Variants in FBXL18 observed in about 807,000 individuals in gnomAD.
FBXL18 encodes F-box and leucine rich repeat protein 18.
FBXL18 carries 36 observed loss-of-function variants against 46.0 expected under a neutral mutation model. That is an observed-to-expected ratio of 0.78 (90% CI 0.60 to 1.03). The LOEUF (loss-of-function observed/expected upper bound fraction) is 1.03. Ranked by LOEUF, FBXL18 falls within the 50% of genes least tolerant of loss-of-function variation. FBXL18 has a pLI of 0.00. For missense variants in FBXL18, 977 were observed against 1,004.1 expected (o/e 0.97, Z 0.36); for synonymous variants, 557 against 465.3 (o/e 1.20, Z -2.54).
rs1490705335 is a variant in FBXL18 at position 5,477,583 on chromosome 7, TC to T, written c.*4191del. Among the ~76,000 whole-genome samples the T allele has an allele frequency of 1.3e-5, 2 of 151,926 alleles. No individual in the cohort carries two copies. Among genetic ancestry groups the T allele is most frequent in the Non-Finnish European group, 2.9e-5 (2 of 68,004 alleles). ...CGGTCATGATGGCAGGTGCCTGTAATCCCAGCTACTCAGGAGGCTGATGTGG... is the reference window on the plus strand; with the variant it reads ...CGGTCATGATGGCAGGTGCCTGTAATCCAGCTACTCAGGAGGCTGATGTGG... On this transcript the variant is annotated 3_prime_UTR_variant, in exon 5 of 5. Coordinates refer to ENST00000382368, the MANE Select transcript of FBXL18 (RefSeq NM_024963.6). The surrounding 1 kb of genome is among the most constrained non-coding windows in gnomAD (Gnocchi z 4.4).
intron 4 of FBXL18, among the ~76,000 whole-genome samples, chr7:5,468,890 C>A (rs1290615212): frequency 6.6e-6 from 1 of 152,176 alleles, no homozygotes; most frequent in Non-Finnish European, 1.5e-5. Context: ...CATGAGCCAA[C>A]ATGCCAGGGC....
chr7:5,502,462 G>C (rs948410217), intron 2 of FBXL18, among the ~76,000 whole-genome samples: 6 of 152,118 alleles, frequency 3.9e-5, no homozygotes, highest in Non-Finnish European at 7.3e-5. Context: ...TTGAACCTGG[G>C]AGGTGGAGGT....
Position 5,491,421 on chromosome 7 carries a change from C to T in FBXL18, c.1810G>A (p.Ala604Thr), listed in dbSNP as rs773047635. Residue 604 changes from alanine (A) to threonine (T), a missense_variant, in exon 4 of 5, where the codon GCC becomes ACC. Ala to Thr is a moderately conservative substitution (Grantham distance 58). Coordinates refer to ENST00000382368, the MANE Select transcript of FBXL18 (RefSeq NM_024963.6). Reference sequence around the variant, plus strand: ...TGGCTCAGCGCCTGGAAGAACTGGGCGTTGGCGCTGAAGTAGGGCTGCTCC... The same window carrying T: ...TGGCTCAGCGCCTGGAAGAACTGGGTGTTGGCGCTGAAGTAGGGCTGCTCC... ...RLEQPYFSAN[A>T]QFFQALSQCP... The T allele has an allele frequency of 1.9e-5, 30 of 1,598,428 alleles. No homozygotes were observed. The Middle Eastern group carries it at 5.0e-4, about 27-fold the overall frequency.
intron 4 of FBXL18, among the ~76,000 whole-genome samples, chr7:5,485,780 G>A (rs898851652): frequency 5.3e-5 from 8 of 152,134 alleles, no homozygotes; most frequent in South Asian, 2.1e-4. Flanking sequence ...GGCCGGGCGC[G>A]GTGGCTCAAG....
At chr7:5,470,337 A>C (rs1034001146) in intron 4 of FBXL18, among the ~76,000 whole-genome samples, 1 of 151,366 alleles carries the variant, frequency 6.6e-6, no homozygotes, top group Non-Finnish European at 1.5e-5. Flanking sequence ...CCTACCCCTC[A>C]CACATCCACC....
Position 5,501,243 on chromosome 7 carries a change from C to T in FBXL18, c.1026G>A (p.Leu342=), listed in dbSNP as rs1216508513. ...TGAGGTTCAAGCTGGCCAGGCTCCG[C>T]AGGTCCTTCCCGCCGTTGATGACCT... is the stretch of plus-strand genomic sequence containing the variant. ...IQQVINGGKD[L]RSLASLNLSG... is the part of the protein sequence containing the mutation. The change falls in exon 3 of 5, where the codon CTG becomes CTA. Residue 342 remains leucine (L), a synonymous_variant. Transcript: ENST00000382368. 2.5e-6 allele frequency: 4 copies of T among 1,613,328 alleles called. No individual in the cohort carries two copies. The highest frequency in any genetic ancestry group is 3.3e-5 in the Admixed American group (2 of 59,948).
intron 1 of FBXL18, among the ~76,000 whole-genome samples, chr7:5,507,192 T>C (rs760199393): frequency 1.8e-4 from 28 of 152,234 alleles, no homozygotes; most frequent in Non-Finnish European, 3.5e-4. Flanking sequence ...GGATGGAAGC[T>C]CTGAGTTTTG....
At chr7:5,505,676 C>T (rs757655834) in intron 1 of FBXL18, 46 bp from the exon 2 acceptor site, 1 of 1,549,628 alleles carries the variant, frequency 6.5e-7, no homozygotes, top group Non-Finnish European at 8.9e-7. Flanking sequence ...CCAAGGATGG[C>T]TGTCAGCCTA....
downstream of FBXL18, among the ~76,000 whole-genome samples, chr7:5,471,377 C>T (rs913480092): frequency 3.3e-5 from 5 of 152,112 alleles, no homozygotes; most frequent in Admixed American, 6.6e-5. Flanking sequence ...CCCGGGTTCA[C>T]GCCATTCTCC....
At chr7:5,486,374 G>A (rs1783777296) in intron 4 of FBXL18, among the ~76,000 whole-genome samples, 1 of 151,828 alleles carries the variant, frequency 6.6e-6, no homozygotes, top group Non-Finnish European at 1.5e-5. Context: ...AGCCAAGATC[G>A]TGCCACTGCA....
chr7:5,463,339 G>A (rs1192978479), intron 4 of FBXL18, among the ~76,000 whole-genome samples: 4 of 151,884 alleles, frequency 2.6e-5, no homozygotes, highest in Admixed American at 2.6e-4. Context: ...TGGCCATGAG[G>A]GCTGGGGCAG....
intron 4 of FBXL18, chr7:5,489,405 T>G (rs748164803): frequency 6.1e-6 from 3 of 489,048 alleles, no homozygotes; most frequent in Non-Finnish European, 1.2e-5. Flanking sequence ...GAGGCTGAGG[T>G]AAGCGGATCA....
intron 3 of FBXL18, among the ~76,000 whole-genome samples, chr7:5,492,058 G>A (rs151082587): frequency 1.7e-4 from 26 of 151,496 alleles, no homozygotes; most frequent in Non-Finnish European, 3.2e-4. Context: ...AAAGGAGGAG[G>A]CCGAGGGGAG....
rs145062513 is a variant in FBXL18 at position 5,496,336 on chromosome 7, C to G, written c.1781+4152G>C. On this transcript the variant is annotated intron_variant, in intron 3 of 4. Transcript: ENST00000382368. This position sits in a 1 kb window ranked among gnomAD's most constrained non-coding sequence, Gnocchi z 4.8. ...CTGCCGTCACCTCTGCCTCTTGCTT[C>G]CGGAACACCCCCTCCCTCCGGCCAG... 2.6e-5 allele frequency among the ~76,000 whole-genome samples: 4 copies of G among 152,204 alleles called. No individual in the cohort carries two copies. Among genetic ancestry groups the G allele is most frequent in the Non-Finnish European group, 4.4e-5 (3 of 68,048 alleles).
At chr7:5,504,420 T>A in intron 2 of FBXL18, among the ~76,000 whole-genome samples, 1 of 145,680 alleles carries the variant, frequency 6.9e-6, no homozygotes, top group South Asian at 2.4e-4. Flanking sequence ...TTCTCGTGCC[T>A]CAGCCTCCTA....
chr7:5,459,862 G>C (rs1171219209), intron 4 of FBXL18, among the ~76,000 whole-genome samples: 11 of 152,214 alleles, frequency 7.2e-5, no homozygotes, highest in Middle Eastern at 3.4e-3. Flanking sequence ...GCCGTGAGCT[G>C]AGATCACGCT....
chr7:5,463,728 A>ATTTTTTTTTTTTTTTTTTTTT (rs552002078), intron 4 of FBXL18, among the ~76,000 whole-genome samples: 7 of 53,032 alleles, frequency 1.3e-4, no homozygotes, highest in Non-Finnish European at 1.7e-4. Context: ...TTATTTATTT[A>ATTTTTTTTTTTTTTTTTTTTT]TTTTTTTTTT....
chr7:5,504,773 C>T (rs1229082158), intron 2 of FBXL18, among the ~76,000 whole-genome samples: 6 of 148,994 alleles, frequency 4.0e-5, no homozygotes, highest in Admixed American at 3.3e-4. Context: ...AAAATTAGCC[C>T]GGCGTGGTGG....
intron 1 of FBXL18, among the ~76,000 whole-genome samples, chr7:5,509,755 T>C (rs764729457): frequency 4.0e-5 from 6 of 148,198 alleles, no homozygotes; most frequent in South Asian, 2.1e-4. Context: ...CCTGATGCAA[T>C]TGTGGGGCCA....
Sources: allele counts gnomAD v4.1 joint callset (sites outside exome capture counted in the v4.1 genomes callset), GRCh38; gene constraint gnomAD v4.1.1; non-coding constraint Gnocchi (gnomAD v3.1); transcripts MANE v1.5; gene names NCBI Gene and HGNC (gene_info 2026-07-23, HGNC 2026-07-21).